Variants in APOL4 observed in about 807,000 individuals in gnomAD.
APOL4 encodes the protein apolipoprotein L, 4.
APOL4 carries 14 observed loss-of-function variants against 12.1 expected under a neutral mutation model. The ratio of observed to expected loss-of-function variants is 1.16; its 90% CI spans 0.76 to 1.81. The LOEUF is 1.81. Among genes scored for constraint, APOL4 ranks in the 40% most tolerant of loss-of-function variants. APOL4 has a pLI of 0.00. For synonymous variants in APOL4, 171 were observed against 160.6 expected, an observed-to-expected ratio of 1.06 and a Z score of -0.49; for missense variants, 432 against 423.1, an observed-to-expected ratio of 1.02 and a Z score of -0.18.
At chr22:36,194,637 A>C (rs1218939970) in intron 3 of APOL4, among the ~76,000 whole-genome samples, 1 of 152,202 alleles carries the variant, frequency 6.6e-6, no homozygotes, top group Admixed American at 6.5e-5. Context: ...GGCAGGTCCC[A>C]GTCTCCAAGA....
Position 36,191,600 on chromosome 22 carries a change from C to A in APOL4, c.522G>T (p.Gly174=), listed in dbSNP as rs766082814. The A allele has an allele frequency of 3.1e-6, 5 of 1,613,516 alleles. No individual in the cohort carries two copies. Among genetic ancestry groups the A allele is most frequent in the South Asian group, 1.1e-5 (1 of 91,016 alleles). The change falls in exon 4 of 4, where the codon GGG becomes GGT. Residue 174 remains glycine, a synonymous_variant. Transcript: ENST00000683024. ...LSLSITAAGV[G]LGIASATAGI... ...CAGCCGTGGCAGATGCTATTCCCAG[C>A]CCTACCCCAGCTGCAGTAATGCTCA...
At position 36,189,332 on chromosome 22, in the gene APOL4, A is replaced by T. The variant is rs1021909419; in HGVS notation, c.*1743T>A. ...GGATTCTCAGAGACACCTGGTCCTC[A>T]GCTGGGCACCATGGAAATGGCTCAT... On this transcript the variant is annotated 3_prime_UTR_variant, in exon 4 of 4. Coordinates refer to ENST00000683024, the MANE Select transcript of APOL4 (RefSeq NM_001386885.1). The T allele has an allele frequency of 4.6e-5, 7 of 152,362 alleles. No individual in the cohort carries two copies. The highest frequency in any genetic ancestry group is 1.7e-4 in the African/African-American group (7 of 41,568). The allele number at this position is 152,362 out of a possible 1,614,324, so 9.4% of individuals were successfully genotyped here. A position where few individuals can be genotyped will look rare whatever the true frequency, so the allele number is the denominator to read the frequency against.
intron 3 of APOL4, among the ~76,000 whole-genome samples, chr22:36,194,158 C>T (rs557891733): frequency 6.6e-6 from 1 of 152,254 alleles, no homozygotes; most frequent in South Asian, 2.1e-4. Context: ...TGAAGCCACT[C>T]GTCCCCACTC....
chr22:36,197,667 C>G, intron 2 of APOL4: 1 of 1,549,924 alleles, frequency 6.5e-7, no homozygotes, highest in South Asian at 1.2e-5. Flanking sequence ...AGCTTAACCT[C>G]GGCCAGTCAT....
At chr22:36,192,417 A>C (rs772225785) in intron 3 of APOL4, among the ~76,000 whole-genome samples, 10 of 152,226 alleles carry the variant, frequency 6.6e-5, no homozygotes, top group Non-Finnish European at 1.5e-4. Context: ...GTACTTATTC[A>C]GTATGGGAAA....
At chr22:36,196,450 C>T (rs1173373242) in intron 2 of APOL4, among the ~76,000 whole-genome samples, 1 of 152,114 alleles carries the variant, frequency 6.6e-6, no homozygotes, top group Non-Finnish European at 1.5e-5. Context: ...GACTGGGCCC[C>T]ACCTTGTAAT....
At chr22:36,193,003 C>G (rs552874397) in intron 3 of APOL4, among the ~76,000 whole-genome samples, 1 of 152,302 alleles carries the variant, frequency 6.6e-6, no homozygotes, top group Admixed American at 6.5e-5. Flanking sequence ...ATGCCCATCC[C>G]GTGCTTGCTG....
In APOL4 at chr22:36,201,692, G is replaced by C; in HGVS notation, c.35+8C>G. The C allele has an allele frequency of 3.1e-6, 5 of 1,603,458 alleles. No individual in the cohort carries two copies. The highest frequency in any genetic ancestry group is 4.3e-6 in the Non-Finnish European group (5 of 1,175,822). The stretch of plus-strand genomic sequence containing the variant: ...CAGGAGGGCAGAGAGCTGGGGCCTC[G>C]GACTCACCCGACGCTTGTGATGAGC... On this transcript the variant is annotated splice_region_variant and intron_variant, in intron 1 of 3. Coordinates refer to ENST00000683024, the MANE Select transcript of APOL4 (RefSeq NM_001386885.1).
At chr22:36,203,058 G>T (rs2014631971), upstream of APOL4, among the ~76,000 whole-genome samples, 2 of 152,166 alleles carry the variant, frequency 1.3e-5, no homozygotes, top group South Asian at 4.1e-4. Context: ...GGTGGCTTTT[G>T]AATCTCATGA....
In APOL4 at chr22:36,196,983, G is replaced by T. The variant is rs1011512601; in HGVS notation, c.83-1546C>A. 6.6e-5 allele frequency among the ~76,000 whole-genome samples: 10 copies of T among 152,180 alleles called. No individual in the cohort carries two copies. The East Asian group carries it at 9.6e-4, about 15-fold the overall frequency. ...GTGGAGGGGGTTCTTTAGGTGGGCAGGGGAGTGGGACCCTCAGCACTGATC... is the reference window on the plus strand; with the variant it reads ...GTGGAGGGGGTTCTTTAGGTGGGCATGGGAGTGGGACCCTCAGCACTGATC... On this transcript the variant is annotated intron_variant, in intron 2 of 3. Coordinates refer to ENST00000683024, the MANE Select transcript of APOL4 (RefSeq NM_001386885.1).
chr22:36,195,276 G>T (rs551529683), intron 3 of APOL4, 35 bp downstream of exon 3: 5 of 1,601,524 alleles, frequency 3.1e-6, no homozygotes, highest in Non-Finnish European at 4.3e-6. Flanking sequence ...TGGCATCACC[G>T]GGGTGCCCCA....
intron 2 of APOL4, among the ~76,000 whole-genome samples, 192 bp from the exon 3 acceptor site, chr22:36,195,629 C>T (rs1203457056): frequency 6.6e-6 from 1 of 151,934 alleles, no homozygotes; most frequent in African/African-American, 2.4e-5. Flanking sequence ...ACCCCAGTGA[C>T]CGTATTTGGA....
chr22:36,198,494 C>G (rs931491496), intron 2 of APOL4, among the ~76,000 whole-genome samples: 14 of 152,166 alleles, frequency 9.2e-5, no homozygotes, highest in Non-Finnish European at 1.5e-4. Context: ...GTTTCTTTGA[C>G]AAGGGGTACT....
intron 1 of APOL4, among the ~76,000 whole-genome samples, chr22:36,199,839 C>T (rs562653537): frequency 4.6e-5 from 7 of 152,098 alleles, no homozygotes; most frequent in Admixed American, 2.0e-4. Context: ...GACGGAGTCT[C>T]GCTCTGTCGT....
At chr22:36,198,586 G>A (rs1043273967) in intron 2 of APOL4, among the ~76,000 whole-genome samples, 1 of 152,192 alleles carries the variant, frequency 6.6e-6, no homozygotes, top group African/African-American at 2.4e-5. Context: ...GCTCGGGAAG[G>A]GGGTGGCTTC....
chr22:36,202,166 A>C, upstream of APOL4: 1 of 1,449,708 alleles, frequency 6.9e-7, no homozygotes, highest in Middle Eastern at 2.4e-4. Context: ...CAGGGCTTTG[A>C]CGCCATCCTA....
intron 3 of APOL4, among the ~76,000 whole-genome samples, chr22:36,194,687 A>G (rs1288794181): frequency 5.3e-5 from 8 of 152,198 alleles, no homozygotes; most frequent in Admixed American, 6.5e-5. Flanking sequence ...GGACAGAGCC[A>G]GGATCCACCC....
At chr22:36,200,513 C>A (rs1366914540) in intron 1 of APOL4, among the ~76,000 whole-genome samples, 1 of 152,254 alleles carries the variant, frequency 6.6e-6, no homozygotes, top group African/African-American at 2.4e-5. Flanking sequence ...GCCGAGCCCT[C>A]CTGGCGCTGC....
chr22:36,199,769 T>G (rs889915963), intron 1 of APOL4, among the ~76,000 whole-genome samples: 1 of 152,206 alleles, frequency 6.6e-6, no homozygotes, highest in Non-Finnish European at 1.5e-5. Context: ...CTGTATTGAG[T>G]GTCTGTGATG....
Sources: allele counts gnomAD v4.1 joint callset (sites outside exome capture counted in the v4.1 genomes callset), GRCh38; gene constraint gnomAD v4.1.1; transcripts MANE v1.5; gene names NCBI Gene and HGNC (gene_info 2026-07-23, HGNC 2026-07-21).